The following MCFD2 variants were observed in gnomAD, a reference collection of about 807,000 sequenced individuals.
MCFD2 encodes the protein multiple coagulation factor deficiency 2, ER cargo receptor complex subunit, also known as multiple coagulation factor deficiency protein 2.
Under a neutral mutation model 12.8 loss-of-function variants are expected in MCFD2, and 11 were observed. The observed-to-expected ratio is 0.86, with a 90% CI of 0.54 to 1.42. The LOEUF (loss-of-function observed/expected upper bound fraction) is 1.42, where lower values mean the gene tolerates loss of function less well. Among genes scored for constraint, MCFD2 ranks in the 40% most tolerant of loss-of-function variants. The pLI is 0.00. For synonymous variants in MCFD2, 70 were observed against 68.1 expected, an observed-to-expected ratio of 1.03 and a Z score of -0.14; for missense variants, 191 against 178.6, an observed-to-expected ratio of 1.07 and a Z score of -0.40.
rs375017195 is a variant in MCFD2 at position 46,940,405 on chromosome 2, G to A, written c.-8+1167C>T. ...TGTGAGCTGCGGCGGCAGCGGGGCC[G>A]GGCCCCTGTAAGAGGTCTCCCCCCA... On this transcript the variant is annotated intron_variant, in intron 1 of 2. Coordinates refer to the MCFD2 transcript ENST00000409147. This position sits in a 1 kb window ranked among gnomAD's most constrained non-coding sequence, Gnocchi z 4.7. Among the ~76,000 whole-genome samples the A allele has an allele frequency of 5.2e-4, 79 of 152,172 alleles. No homozygotes were observed. Among genetic ancestry groups the A allele is most frequent in the African/African-American group, 1.9e-3 (77 of 41,514 alleles).
chr2:46,935,035 G>A (rs777589231), intron 1 of MCFD2, among the ~76,000 whole-genome samples: 24 of 151,836 alleles, frequency 1.6e-4, no homozygotes, highest in Admixed American at 6.6e-5. Context: ...TCTTGACCTC[G>A]TGATCCACCC....
intron 1 of MCFD2, among the ~76,000 whole-genome samples, chr2:46,928,483 A>C (rs1345495985): frequency 6.8e-6 from 1 of 146,868 alleles, no homozygotes; most frequent in East Asian, 2.0e-4. Flanking sequence ...AAAAAAAAAA[A>C]AACTTGGGCC....
chr2:46,910,497 T>A (rs1486254791), intron 1 of MCFD2, among the ~76,000 whole-genome samples: 1 of 152,144 alleles, frequency 6.6e-6, no homozygotes, highest in African/African-American at 2.4e-5. Context: ...AAGGCACTGG[T>A]CATCCCCTTT....
At chr2:46,917,249 C>T (rs1204810341), upstream of MCFD2, 5 of 700,174 alleles carry the variant, frequency 7.1e-6, no homozygotes, top group Non-Finnish European at 1.3e-5. Context: ...CCCACCACCT[C>T]CGCCTCCCAA....
chr2:46,906,436 T>C (rs1240529545), intron 3 of MCFD2, among the ~76,000 whole-genome samples: 1 of 150,184 alleles, frequency 6.7e-6, no homozygotes, highest in Non-Finnish European at 1.5e-5. Flanking sequence ...GAGGGCAGTG[T>C]GGCAGAAGGG....
chr2:46,924,869 T>C (rs2103816665), intron 1 of MCFD2, among the ~76,000 whole-genome samples: 1 of 152,376 alleles, frequency 6.6e-6, no homozygotes, highest in East Asian at 1.9e-4. Flanking sequence ...TCAAGCAATC[T>C]GCCTGCCTTG....
intron 1 of MCFD2, among the ~76,000 whole-genome samples, chr2:46,939,905 A>AGCTTCC (rs1234268285): frequency 2.6e-5 from 4 of 152,174 alleles, no homozygotes; most frequent in Admixed American, 1.3e-4. Context: ...GAGCAGCTTC[A>AGCTTCC]GCTTCCCTTC....
Position 46,941,718 on chromosome 2 carries a change from G to C in MCFD2, c.-154C>G. On this transcript the variant is annotated 5_prime_UTR_variant, in exon 1 of 3. Coordinates refer to the MCFD2 transcript ENST00000409147. The surrounding 1 kb of genome is among the most constrained non-coding windows in gnomAD (Gnocchi z 4.2). ...GCCCGAGCGCAGCGTTCACCTTTCC[G>C]GACACCGGTGAGTAAGGGAAGAGGC... The C allele has an allele frequency of 6.5e-7, 1 of 1,550,084 alleles. No individual in the cohort carries two copies. The highest frequency in any genetic ancestry group is 8.7e-7 in the Non-Finnish European group (1 of 1,147,026).
rs1169423657 is a variant in MCFD2 at position 46,902,717 on chromosome 2, G to A, written c.*2746C>T. ...GGCTAGGCTGACATTCTTATGCTGT[G>A]GCTTTGAAATAGCCTAATAAATATC... is the stretch of plus-strand genomic sequence containing the variant. On this transcript the variant is annotated 3_prime_UTR_variant, in exon 4 of 4. Coordinates refer to ENST00000319466, the MANE Select transcript of MCFD2 (RefSeq NM_139279.6). 1 of 152,432 alleles carries A rather than the reference G, an allele frequency of 6.6e-6. No homozygotes were observed. The highest frequency in any genetic ancestry group is 1.5e-5 in the Non-Finnish European group (1 of 68,030). The allele number at this position is 152,432 out of a possible 1,614,324, so 9.4% of individuals were successfully genotyped here. A position where few individuals can be genotyped will look rare whatever the true frequency, so the allele number is the denominator to read the frequency against.
chr2:46,912,951 C>T (rs897092704), intron 1 of MCFD2, among the ~76,000 whole-genome samples: 3 of 152,156 alleles, frequency 2.0e-5, no homozygotes, highest in Non-Finnish European at 4.4e-5. Flanking sequence ...TATCATGGAA[C>T]TCATGGCACC....
In MCFD2 at chr2:46,904,571, C is replaced by T. The variant is rs886056114; in HGVS notation, c.*892G>A. On this transcript the variant is annotated 3_prime_UTR_variant, in exon 4 of 4. Transcript: ENST00000319466. ...TTCTGGAACTTTAAAATTTGACAGC[C>T]CTGCTGGATTTCGGACTTGCATGGG... The T allele has an allele frequency of 6.6e-6, 1 of 152,182 alleles. No homozygotes were observed. 9.4% of individuals were successfully genotyped at this position (152,182 alleles called of 1,614,324 possible).
intron 1 of MCFD2, among the ~76,000 whole-genome samples, chr2:46,924,544 A>G (rs1669284403): frequency 6.6e-6 from 1 of 152,236 alleles, no homozygotes; most frequent in East Asian, 1.9e-4. Flanking sequence ...ATAGAATATG[A>G]GAAGAAAACT....
At chr2:46,913,174 A>C (rs979755452) in intron 1 of MCFD2, among the ~76,000 whole-genome samples, 23 of 152,214 alleles carry the variant, frequency 1.5e-4, no homozygotes, top group Admixed American at 1.4e-3. Flanking sequence ...TTGCTGTTGC[A>C]GGTTTCTAAT....
chr2:46,918,080 C>T (rs1668907930), upstream of MCFD2, among the ~76,000 whole-genome samples: 1 of 152,176 alleles, frequency 6.6e-6, no homozygotes, highest in African/African-American at 2.4e-5. Flanking sequence ...TGTGTAATTC[C>T]TGGCTCCTGT....
chr2:46,933,840 A>G (rs1164474549), intron 1 of MCFD2, among the ~76,000 whole-genome samples: 1 of 152,226 alleles, frequency 6.6e-6, no homozygotes, highest in East Asian at 1.9e-4. Flanking sequence ...AGTGTCATAA[A>G]AAAGTCAGAG....
chr2:46,929,278 G>T (rs1189291342), intron 1 of MCFD2, among the ~76,000 whole-genome samples: 1 of 151,918 alleles, frequency 6.6e-6, no homozygotes. Context: ...GAGGCCCACA[G>T]TTCTGAGACC....
chr2:46,922,299 C>A (rs9973623), intron 1 of MCFD2, among the ~76,000 whole-genome samples: 1 of 152,008 alleles, frequency 6.6e-6, no homozygotes, highest in Admixed American at 6.6e-5. Flanking sequence ...TTTCCTTGAG[C>A]GTTTTTATAA....
intron 1 of MCFD2, among the ~76,000 whole-genome samples, chr2:46,910,578 T>G (rs1366371117): frequency 6.6e-6 from 1 of 152,108 alleles, no homozygotes; most frequent in Non-Finnish European, 1.5e-5. Context: ...GGTAGAGGTG[T>G]TATAGTCCCT....
chr2:46,930,250 T>G (rs1669621455), intron 1 of MCFD2, among the ~76,000 whole-genome samples: 1 of 151,940 alleles, frequency 6.6e-6, no homozygotes, highest in African/African-American at 2.4e-5. Context: ...GTAATAAAAT[T>G]TATAAATCCC....
Sources: allele counts gnomAD v4.1 joint callset (sites outside exome capture counted in the v4.1 genomes callset), GRCh38; gene constraint gnomAD v4.1.1; non-coding constraint Gnocchi (gnomAD v3.1); transcripts MANE v1.5; gene names NCBI Gene and HGNC (gene_info 2026-07-23, HGNC 2026-07-21).